PDE1A: variants seen among roughly 807,000 people sequenced by gnomAD.
PDE1A encodes the protein phosphodiesterase 1A.
PDE1A carries 35 observed loss-of-function variants against 61.7 expected under a neutral mutation model. The observed-to-expected ratio is 0.57, with a 90% confidence interval of 0.43 to 0.75. The LOEUF is 0.75. PDE1A is among the 30% of genes least tolerant of loss of function. The probability of loss-of-function intolerance (pLI) is 0.00; values close to 1 mark genes in which losing one functional copy is unlikely to be tolerated. For missense variants in PDE1A, 597 were observed against 630.6 expected (o/e 0.95, Z 0.57); for synonymous variants, 232 against 213.2 (o/e 1.09, Z -0.77).
chr2:182,534,049 T>TA, the PDE1A span, among the ~76,000 whole-genome samples: 49 of 151,860 alleles, frequency 3.2e-4, no homozygotes, highest in South Asian at 6.2e-4. Flanking sequence ...AAATGCAAAG[T>TA]AAAAAAATGA....
At chr2:182,457,124 C>T (rs1021357941) in intron 2 of PDE1A, among the ~76,000 whole-genome samples, 1 of 151,940 alleles carries the variant, frequency 6.6e-6, no homozygotes, top group Non-Finnish European at 1.5e-5. Flanking sequence ...CGTTTCCAGG[C>T]GAGGTGTGCT....
chr2:182,463,894 C>G (rs905301149), intron 2 of PDE1A, among the ~76,000 whole-genome samples: 5 of 152,160 alleles, frequency 3.3e-5, no homozygotes, highest in African/African-American at 9.7e-5. Context: ...CCAAAGAACA[C>G]TTCTAGGAGC....
intron 13 of PDE1A, among the ~76,000 whole-genome samples, chr2:182,179,439 A>G (rs2125363945): frequency 6.6e-6 from 1 of 152,336 alleles, no homozygotes; most frequent in African/African-American, 2.4e-5. Flanking sequence ...ACAAAACTAA[A>G]TTATACATTG....
chr2:182,363,539 G>A (rs1490058105), intron 1 of PDE1A, among the ~76,000 whole-genome samples: 1 of 151,960 alleles, frequency 6.6e-6, no homozygotes, highest in Non-Finnish European at 1.5e-5. Flanking sequence ...AAAAGAATGA[G>A]CCATGTGGAT....
At chr2:182,513,548 A>G (rs1216635260) in intron 2 of PDE1A, among the ~76,000 whole-genome samples, 1 of 152,246 alleles carries the variant, frequency 6.6e-6, no homozygotes, top group Non-Finnish European at 1.5e-5. Context: ...AATCAAGTCT[A>G]TACAACAACC....
At chr2:182,405,780 C>CA (rs1702264304) in intron 1 of PDE1A, among the ~76,000 whole-genome samples, 1 of 151,652 alleles carries the variant, frequency 6.6e-6, no homozygotes, top group African/African-American at 2.4e-5. Flanking sequence ...AGTCTCACCC[C>CA]AAAAAAATAA....
At chr2:182,199,713 T>C (rs1686453291) in intron 10 of PDE1A, among the ~76,000 whole-genome samples, 1 of 152,074 alleles carries the variant, frequency 6.6e-6, no homozygotes, top group African/African-American at 2.4e-5. Context: ...TTACATTTAG[T>C]GTATTTTTTT....
At chr2:182,626,742 TATATAC>T in the PDE1A span, among the ~76,000 whole-genome samples, 26 of 26,882 alleles carry the variant, frequency 9.7e-4, 4 homozygotes, top group African/African-American at 2.3e-3. Flanking sequence ...TATATACATA[TATATAC>T]ATATATATAT....
chr2:182,390,717 A>C (rs961408436), intron 1 of PDE1A, among the ~76,000 whole-genome samples: 1 of 152,220 alleles, frequency 6.6e-6, no homozygotes, highest in Non-Finnish European at 1.5e-5. Context: ...CTACTGTTAA[A>C]GTGAGGGCAT....
At chr2:182,432,261 A>G (rs1703989033) in intron 2 of PDE1A, among the ~76,000 whole-genome samples, 1 of 152,124 alleles carries the variant, frequency 6.6e-6, no homozygotes, top group African/African-American at 2.4e-5. Flanking sequence ...TTAATGTCCA[A>G]CCAAGAATAA....
At chr2:182,596,647 G>A in the PDE1A span, among the ~76,000 whole-genome samples, 2 of 151,952 alleles carry the variant, frequency 1.3e-5, no homozygotes, top group African/African-American at 2.4e-5. Flanking sequence ...TGAGGCTACT[G>A]TATAATATGA....
Position 182,234,355 on chromosome 2 carries a change from C to G in PDE1A, c.417+77G>C, listed in dbSNP as rs1165624272. The G allele has an allele frequency of 4.2e-6, 4 of 943,088 alleles. No individual in the cohort carries two copies. In the Admixed American group the frequency reaches 8.0e-5, roughly 19 times the overall value. 58.4% of individuals were successfully genotyped at this position (943,088 alleles called of 1,614,324 possible). ...ATGTAGGCTGCAGTAAAGACCTATTCTCATTTTCTCATAGCCTTTTTAAGA... is the reference window on the plus strand; with the variant it reads ...ATGTAGGCTGCAGTAAAGACCTATTGTCATTTTCTCATAGCCTTTTTAAGA... On this transcript the variant is annotated intron_variant, in intron 4 of 13. Transcript: ENST00000351439.
At chr2:182,614,338 T>C in the PDE1A span, among the ~76,000 whole-genome samples, 4 of 152,266 alleles carry the variant, frequency 2.6e-5, 1 homozygote, top group African/African-American at 9.6e-5. Flanking sequence ...ATGAACATAA[T>C]AGCTAGCTCA....
chr2:182,531,431 T>C, the PDE1A span, among the ~76,000 whole-genome samples: 5 of 149,212 alleles, frequency 3.4e-5, no homozygotes, highest in Admixed American at 6.7e-5. Context: ...GGAGTCATGA[T>C]AGGAATATCA....
At chr2:182,575,667 G>A in the PDE1A span, among the ~76,000 whole-genome samples, 4 of 148,752 alleles carry the variant, frequency 2.7e-5, no homozygotes, top group Non-Finnish European at 5.9e-5. Flanking sequence ...TAGTTCCAGG[G>A]GAGGAACGCT....
the PDE1A span, among the ~76,000 whole-genome samples, chr2:182,574,719 TCTCA>T: frequency 1.3e-5 from 2 of 152,120 alleles, no homozygotes; most frequent in Non-Finnish European, 2.9e-5. Flanking sequence ...TGAGACAGAG[TCTCA>T]CTCTGTTGCC....
At chr2:182,451,464 C>T (rs34103461) in intron 2 of PDE1A, among the ~76,000 whole-genome samples, 24,131 of 151,542 alleles carry the variant, frequency 0.16, 2,249 homozygotes, top group Middle Eastern at 0.32. Context: ...GACAAAACTA[C>T]GCACACTCCC....
downstream of PDE1A, chr2:182,142,216 C>T (rs2125251658): frequency 6.6e-6 from 1 of 151,748 alleles, no homozygotes; most frequent in East Asian, 1.9e-4. Flanking sequence ...ATGGGATAAA[C>T]ATCCCGCTGG....
intron 1 of PDE1A, among the ~76,000 whole-genome samples, chr2:182,342,444 G>A (rs1001192269): frequency 6.6e-6 from 1 of 152,196 alleles, no homozygotes; most frequent in Non-Finnish European, 1.5e-5. Context: ...AGCACCTTGG[G>A]AGGCAAAGGA....
Sources: allele counts gnomAD v4.1 joint callset (sites outside exome capture counted in the v4.1 genomes callset), GRCh38; gene constraint gnomAD v4.1.1; transcripts MANE v1.5; gene names NCBI Gene and HGNC (gene_info 2026-07-23, HGNC 2026-07-21).